DSCAML1: variants seen among roughly 807,000 people sequenced by gnomAD.
DSCAML1 encodes the protein DS cell adhesion molecule like 1, also known as cell adhesion molecule DSCAML1.
DSCAML1 carries 38 observed loss-of-function variants against 200.5 expected under a neutral mutation model. That is an observed-to-expected ratio of 0.19 (90% confidence interval 0.15 to 0.25). The LOEUF is 0.25. DSCAML1 is among the 10% of genes least tolerant of loss of function. The probability of loss-of-function intolerance (pLI) is 1.00; values close to 1 mark genes in which losing one functional copy is unlikely to be tolerated. For missense variants in DSCAML1, 2,223 were observed against 2,858.8 expected (o/e 0.78, Z 5.07); for synonymous variants, 1,215 against 1,165.0 (o/e 1.04, Z -0.87).
intron 3 of DSCAML1, among the ~76,000 whole-genome samples, chr11:117,651,472 G>A (rs1055265927): frequency 1.1e-4 from 16 of 151,932 alleles, no homozygotes; most frequent in Non-Finnish European, 2.4e-4. Context: ...TTGGGAGGCC[G>A]AGGCGGGCAG....
At chr11:117,706,980 G>A (rs1241844892) in intron 3 of DSCAML1, among the ~76,000 whole-genome samples, 1 of 152,172 alleles carries the variant, frequency 6.6e-6, no homozygotes, top group East Asian at 1.9e-4. Flanking sequence ...GAAGATGCAT[G>A]CCTCTGTGCC....
At chr11:117,649,129 T>G (rs1220161192) in intron 3 of DSCAML1, among the ~76,000 whole-genome samples, 1 of 147,026 alleles carries the variant, frequency 6.8e-6, no homozygotes, top group African/African-American at 2.5e-5. Context: ...CAGGCTTGAG[T>G]GCAATGGCAT....
Position 117,626,638 on chromosome 11 carries a change from G to A in DSCAML1, c.512-94116C>T, listed in dbSNP as rs1447610004. On this transcript the variant is annotated intron_variant, in intron 3 of 32. Coordinates refer to ENST00000651296, the MANE Select transcript of DSCAML1 (RefSeq NM_020693.4). ...GGCATAGCACATCAAAGCATGTGGC[G>A]GATTCTCGAGCTGTACCCAAACAAG... 6.6e-5 allele frequency among the ~76,000 whole-genome samples: 10 copies of A among 152,254 alleles called. No individual in the cohort carries two copies. In the East Asian group the frequency reaches 1.2e-3, roughly 18 times the overall value.
chr11:117,700,595 C>T (rs192134236), intron 3 of DSCAML1, among the ~76,000 whole-genome samples: 101 of 152,318 alleles, frequency 6.6e-4, no homozygotes, highest in Non-Finnish European at 1.1e-3. Flanking sequence ...TTTGCACTAT[C>T]GATAACTAAC....
At chr11:117,530,129 T>C (rs2050046764) in intron 4 of DSCAML1, among the ~76,000 whole-genome samples, 1 of 152,114 alleles carries the variant, frequency 6.6e-6, no homozygotes, top group Admixed American at 6.5e-5. Context: ...CGCTTTTCTA[T>C]TTGGGCTTTA....
At chr11:117,724,982 A>G (rs2054099876) in intron 3 of DSCAML1, among the ~76,000 whole-genome samples, 1 of 152,222 alleles carries the variant, frequency 6.6e-6, no homozygotes, top group Non-Finnish European at 1.5e-5. Context: ...GAGGGAATGC[A>G]TAAATTCTCT....
intron 3 of DSCAML1, among the ~76,000 whole-genome samples, chr11:117,710,500 A>G (rs1337992823): frequency 1.3e-5 from 2 of 152,168 alleles, no homozygotes; most frequent in African/African-American, 4.8e-5. Context: ...CAACCCACAC[A>G]TGTATACAGC....
intron 3 of DSCAML1, among the ~76,000 whole-genome samples, chr11:117,721,951 T>A (rs1048491418): frequency 2.6e-5 from 4 of 152,122 alleles, no homozygotes; most frequent in Non-Finnish European, 5.9e-5. Flanking sequence ...AAGTCATTTG[T>A]TCTTTACCAA....
At chr11:117,775,862 C>G (rs186689942) in intron 3 of DSCAML1, among the ~76,000 whole-genome samples, 85 of 152,250 alleles carry the variant, frequency 5.6e-4, no homozygotes, top group African/African-American at 2.0e-3. Context: ...AATCATCAAC[C>G]TTGAGGAACA....
chr11:117,547,492 C>T (rs6589614), intron 3 of DSCAML1, among the ~76,000 whole-genome samples: 2,568 of 150,568 alleles, frequency 0.017, 69 homozygotes, highest in African/African-American at 0.058. Flanking sequence ...CACCCTACAC[C>T]GCCATTAGCC....
chr11:117,487,200 C>T (rs1339385166), intron 11 of DSCAML1, among the ~76,000 whole-genome samples: 1 of 152,084 alleles, frequency 6.6e-6, no homozygotes, highest in South Asian at 2.1e-4. Context: ...GCTGGGATTA[C>T]AGGTGTGAGC....
At chr11:117,446,992 A>G (rs993407644) in intron 20 of DSCAML1, among the ~76,000 whole-genome samples, 1 of 152,346 alleles carries the variant, frequency 6.6e-6, no homozygotes, top group East Asian at 1.9e-4. Flanking sequence ...CAGCCACTCA[A>G]GATCATGTTT....
At chr11:117,650,902 C>T (rs573736945) in intron 3 of DSCAML1, among the ~76,000 whole-genome samples, 1 of 152,210 alleles carries the variant, frequency 6.6e-6, no homozygotes, top group East Asian at 1.9e-4. Flanking sequence ...AAACAGGCCC[C>T]AGGCCTCTGC....
chr11:117,597,843 GTCAACT>G (rs1373332869), intron 3 of DSCAML1, among the ~76,000 whole-genome samples: 3 of 151,906 alleles, frequency 2.0e-5, no homozygotes, highest in Admixed American at 6.6e-5. Context: ...AAAGAAAATT[GTCAACT>G]TCAGAATCAT....
intron 3 of DSCAML1, among the ~76,000 whole-genome samples, chr11:117,655,240 G>A (rs1052511196): frequency 7.9e-5 from 12 of 152,228 alleles, no homozygotes; most frequent in Non-Finnish European, 1.5e-5. Context: ...CAGGACAGGG[G>A]AGGGCTCAAT....
intron 1 of DSCAML1, among the ~76,000 whole-genome samples, chr11:117,791,051 G>A (rs942123701): frequency 1.1e-4 from 17 of 152,220 alleles, no homozygotes; most frequent in Admixed American, 1.1e-3. Flanking sequence ...CGAATGAGGG[G>A]AGTAGCAGCT....
At chr11:117,710,655 C>T (rs143288828) in intron 3 of DSCAML1, among the ~76,000 whole-genome samples, 2 of 152,318 alleles carry the variant, frequency 1.3e-5, no homozygotes, top group Admixed American at 6.5e-5. Context: ...AATTACAGTG[C>T]CTACCTGTGA....
intron 3 of DSCAML1, among the ~76,000 whole-genome samples, chr11:117,736,743 C>A (rs2054322900): frequency 6.6e-6 from 1 of 152,338 alleles, no homozygotes; most frequent in Non-Finnish European, 1.5e-5. Flanking sequence ...TATCACAGAA[C>A]CATTGGCCCC....
intron 3 of DSCAML1, among the ~76,000 whole-genome samples, chr11:117,584,403 C>T (rs982429630): frequency 5.9e-5 from 9 of 152,174 alleles, no homozygotes; most frequent in Non-Finnish European, 1.2e-4. Context: ...AAAAACCAAT[C>T]CCAAAGCAAA....
Sources: gnomAD v4.1 joint callset for allele counts (sites outside exome capture counted in the v4.1 genomes callset) on GRCh38, gnomAD v4.1.1 for gene constraint, MANE v1.5 for transcripts, NCBI Gene and HGNC (gene_info 2026-07-23, HGNC 2026-07-21) for gene names.